CACNG2: variants seen among roughly 807,000 people sequenced by gnomAD.
CACNG2 encodes voltage-dependent calcium channel gamma-2 subunit.
In CACNG2, 3 loss-of-function variants were observed where a neutral mutation model predicts 25.9. The ratio of observed to expected loss-of-function variants is 0.12; its 90% CI spans 0.05 to 0.30. The LOEUF is 0.30. CACNG2 is among the 10% of genes least tolerant of loss of function. The probability of loss-of-function intolerance (pLI) is 1.00; values close to 1 mark genes in which losing one functional copy is unlikely to be tolerated. For synonymous variants in CACNG2, 167 were observed against 173.3 expected (o/e 0.96, Z 0.29); for missense variants, 341 against 432.5 (o/e 0.79, Z 1.88).
At chr22:36,593,646 C>A (rs369791106) in intron 1 of CACNG2, among the ~76,000 whole-genome samples, 1 of 151,788 alleles carries the variant, frequency 6.6e-6, no homozygotes, top group African/African-American at 2.4e-5. Context: ...TTTAGGAGGG[C>A]GGGGGAGTTA....
chr22:36,670,627 G>GC (rs1936935346), intron 1 of CACNG2, among the ~76,000 whole-genome samples: 1 of 112,550 alleles, frequency 8.9e-6, no homozygotes, highest in South Asian at 2.6e-4. Context: ...TTTTGTTTTT[G>GC]TTTTTTTGTT....
chr22:36,614,503 T>A (rs987668344), intron 1 of CACNG2, among the ~76,000 whole-genome samples: 15 of 152,212 alleles, frequency 9.9e-5, no homozygotes, highest in African/African-American at 3.4e-4. Context: ...GCCTGCTTCC[T>A]TGCCTGTCTC....
intron 1 of CACNG2, among the ~76,000 whole-genome samples, chr22:36,593,058 C>T (rs568322390): frequency 6.6e-6 from 1 of 152,312 alleles, no homozygotes; most frequent in South Asian, 2.1e-4. Context: ...GAGTCCTTAA[C>T]CCAGCCTTGG....
chr22:36,680,875 T>TCAC (rs796940064), intron 1 of CACNG2, among the ~76,000 whole-genome samples: 8 of 139,654 alleles, frequency 5.7e-5, no homozygotes, highest in African/African-American at 2.1e-4. Flanking sequence ...ACCATCACTA[T>TCAC]CACCACCACC....
intron 1 of CACNG2, among the ~76,000 whole-genome samples, chr22:36,698,370 C>G (rs1198839177): frequency 1.3e-5 from 2 of 152,204 alleles, no homozygotes; most frequent in Non-Finnish European, 2.9e-5. Context: ...AATACTTGCA[C>G]AGTGTGAAGG....
At chr22:36,689,561 G>A (rs1055620976) in intron 1 of CACNG2, among the ~76,000 whole-genome samples, 6 of 152,156 alleles carry the variant, frequency 3.9e-5, no homozygotes, top group African/African-American at 1.4e-4. Context: ...AGATTCAAAC[G>A]ACAGGTCTTT....
intron 1 of CACNG2, among the ~76,000 whole-genome samples, chr22:36,599,876 A>G (rs1935728929): frequency 6.6e-6 from 1 of 152,044 alleles, no homozygotes; most frequent in Non-Finnish European, 1.5e-5. Context: ...TGTTCTTTTC[A>G]AGTTTTGCCT....
intron 1 of CACNG2, among the ~76,000 whole-genome samples, chr22:36,668,451 G>A (rs1936903967): frequency 6.6e-6 from 1 of 152,020 alleles, no homozygotes; most frequent in African/African-American, 2.4e-5. Flanking sequence ...CTGGTGGTGC[G>A]ATTTGGTCTG....
In CACNG2 at chr22:36,689,645, T is replaced by C. The variant is rs565118436; in HGVS notation, c.211+12721A>G. ...AAAATGGAAATTTCTCTCTTCTCCA[T>C]GAAGCTTTCCAAGGTAGAAATGAGA... On this transcript the variant is annotated intron_variant, in intron 1 of 3. Coordinates refer to ENST00000300105, the MANE Select transcript of CACNG2 (RefSeq NM_006078.5). Among the ~76,000 whole-genome samples, 9 of 152,370 alleles carry C rather than the reference T, an allele frequency of 5.9e-5. No individual in the cohort carries two copies. In the South Asian group the frequency reaches 1.4e-3, roughly 25 times the overall value.
intron 1 of CACNG2, among the ~76,000 whole-genome samples, chr22:36,628,442 A>T (rs1936217365): frequency 6.6e-6 from 1 of 152,208 alleles, no homozygotes; most frequent in African/African-American, 2.4e-5. Context: ...GTGTGCAAAC[A>T]CTAGTTATAA....
intron 1 of CACNG2, among the ~76,000 whole-genome samples, chr22:36,653,494 G>A (rs2145977089): frequency 6.6e-6 from 1 of 152,344 alleles, no homozygotes; most frequent in East Asian, 1.9e-4. Context: ...CCCGGGCTGG[G>A]GCCTGTGTGT....
At chr22:36,599,544 T>C (rs1239783436) in intron 1 of CACNG2, among the ~76,000 whole-genome samples, 1 of 151,720 alleles carries the variant, frequency 6.6e-6, no homozygotes, top group Non-Finnish European at 1.5e-5. Flanking sequence ...TACAAAAAAA[T>C]AAAAAATTAG....
At chr22:36,668,809 A>G (rs986852053) in intron 1 of CACNG2, among the ~76,000 whole-genome samples, 1 of 152,112 alleles carries the variant, frequency 6.6e-6, no homozygotes, top group Non-Finnish European at 1.5e-5. Context: ...AGCCGGGTGT[A>G]AGTCTTGCTC....
chr22:36,702,340 G>A (rs758889980), intron 1 of CACNG2, 26 bp downstream of exon 1: 44 of 1,525,304 alleles, frequency 2.9e-5, no homozygotes, highest in East Asian at 2.3e-5. Context: ...GGGTGGAGAG[G>A]GGGGAGGAGA....
intron 1 of CACNG2, among the ~76,000 whole-genome samples, chr22:36,641,441 A>C (rs1936441301): frequency 6.6e-6 from 1 of 152,206 alleles, no homozygotes; most frequent in Admixed American, 6.5e-5. Flanking sequence ...ACAAATGTGA[A>C]ATTTTAATTC....
chr22:36,694,419 C>T (rs1489744277), intron 1 of CACNG2, among the ~76,000 whole-genome samples: 1 of 152,144 alleles, frequency 6.6e-6, no homozygotes, highest in African/African-American at 2.4e-5. Context: ...TCGCAGCTCA[C>T]CAGCAATCCC....
intron 2 of CACNG2, 83 bp downstream of exon 2, chr22:36,587,382 T>C (rs2145922011): frequency 1.0e-6 from 1 of 999,830 alleles, no homozygotes; most frequent in East Asian, 2.4e-5. Context: ...GGCCTCTAGG[T>C]AGGCCTGGTC....
intron 1 of CACNG2, among the ~76,000 whole-genome samples, chr22:36,595,605 T>TGAGGGG (rs1935666962): frequency 1.3e-5 from 2 of 151,192 alleles, no homozygotes; most frequent in East Asian, 3.9e-4. Flanking sequence ...GCTGGGTGGG[T>TGAGGGG]GAGGGTGAGG....
chr22:36,630,570 G>C (rs1021358634), intron 1 of CACNG2, among the ~76,000 whole-genome samples: 8 of 152,098 alleles, frequency 5.3e-5, no homozygotes, highest in African/African-American at 1.9e-4. Flanking sequence ...GGAAGGTAGA[G>C]GTCATGAAGG....
Sources: allele counts gnomAD v4.1 joint callset (sites outside exome capture counted in the v4.1 genomes callset), GRCh38; gene constraint gnomAD v4.1.1; transcripts MANE v1.5; gene names NCBI Gene and HGNC (gene_info 2026-07-23, HGNC 2026-07-21).